The following FAM171B variants were observed in gnomAD, a reference collection of about 807,000 sequenced individuals.
FAM171B encodes family with sequence similarity 171 member B.
A neutral mutation model predicts 75.6 loss-of-function variants in FAM171B; 19 were observed. The observed-to-expected ratio is 0.25, with a 90% CI of 0.18 to 0.37. The LOEUF (loss-of-function observed/expected upper bound fraction) is 0.37. Among genes scored for constraint, FAM171B ranks in the 10% least tolerant of loss-of-function variants. The pLI is 1.00. For synonymous variants in FAM171B, 367 were observed against 361.7 expected (o/e 1.01, Z -0.17); for missense variants, 848 against 982.4 (o/e 0.86, Z 1.83).
At chr2:186,742,242 T>C (rs530385252) in intron 2 of FAM171B, among the ~76,000 whole-genome samples, 1 of 152,226 alleles carries the variant, frequency 6.6e-6, no homozygotes, top group Non-Finnish European at 1.5e-5. Flanking sequence ...AGGAAACAAT[T>C]TTCACGTGAA....
intron 6 of FAM171B, 65 bp downstream of exon 6, chr2:186,754,114 G>A (rs944387449): frequency 5.2e-5 from 63 of 1,220,346 alleles, no homozygotes; most frequent in Non-Finnish European, 7.2e-5. Context: ...ACGGATAGCA[G>A]CAGACCTCAG....
intron 1 of FAM171B, among the ~76,000 whole-genome samples, chr2:186,730,309 T>G (rs1352871154): frequency 6.6e-6 from 1 of 152,252 alleles, no homozygotes; most frequent in African/African-American, 2.4e-5. Flanking sequence ...GGGAAATGTC[T>G]TACAGGTGTG....
intron 1 of FAM171B, among the ~76,000 whole-genome samples, chr2:186,717,606 A>C (rs1362402223): frequency 1.3e-5 from 2 of 152,114 alleles, no homozygotes; most frequent in Admixed American, 1.3e-4. Flanking sequence ...TGCTCTAGTC[A>C]GGCTTTCCTC....
At chr2:186,758,156 G>A (rs1690559865) in intron 6 of FAM171B, among the ~76,000 whole-genome samples, 1 of 152,120 alleles carries the variant, frequency 6.6e-6, no homozygotes, top group Non-Finnish European at 1.5e-5. Context: ...AAGGACTGGT[G>A]TCAGTGTTTC....
intron 1 of FAM171B, among the ~76,000 whole-genome samples, chr2:186,705,235 T>C (rs757115960): frequency 2.0e-5 from 3 of 152,230 alleles, no homozygotes; most frequent in Non-Finnish European, 4.4e-5. Flanking sequence ...GGATGGTTTA[T>C]GCAGATATTT....
In FAM171B at chr2:186,761,682, C is replaced by A. The variant is rs1259934862; in HGVS notation, c.1340C>A (p.Thr447Lys). The change falls in exon 8 of 8, where the codon ACA becomes AAA. Residue 447 changes from threonine (T) to lysine (K), a missense_variant. Thr to Lys is a moderately conservative substitution (Grantham distance 78). Transcript: ENST00000304698. The part of the protein sequence containing the change: ...PQKKEPSKAE[T>K]EERVSMVKTR... ...AAAAAGGAACCATCAAAGGCAGAAA[C>A]AGAAGAAAGAGTTTCCATGGTAAAA... 6.2e-7 allele frequency: 1 copy of A among 1,612,090 alleles called. No homozygotes were observed. The highest frequency in any genetic ancestry group is 1.7e-5 in the Admixed American group (1 of 59,574).
intron 1 of FAM171B, among the ~76,000 whole-genome samples, chr2:186,714,061 A>G (rs763250850): frequency 1.3e-5 from 2 of 152,100 alleles, no homozygotes; most frequent in East Asian, 1.9e-4. Context: ...TAGCCTTGGC[A>G]TTGTGTTGGA....
chr2:186,705,628 C>T (rs144352795), intron 1 of FAM171B, among the ~76,000 whole-genome samples: 34 of 152,280 alleles, frequency 2.2e-4, no homozygotes, highest in African/African-American at 7.9e-4. Context: ...ACAAAGATAA[C>T]ATTCAGACTC....
chr2:186,726,949 C>A (rs900592842), intron 1 of FAM171B, among the ~76,000 whole-genome samples: 12 of 152,150 alleles, frequency 7.9e-5, no homozygotes, highest in African/African-American at 2.9e-4. Flanking sequence ...TGGCCCCTGC[C>A]GAAATCCTGC....
At chr2:186,759,354 G>A (rs1232072804) in intron 6 of FAM171B, among the ~76,000 whole-genome samples, 3 of 151,926 alleles carry the variant, frequency 2.0e-5, no homozygotes, top group Non-Finnish European at 4.4e-5. Context: ...CTTTCTTTTG[G>A]GTATATATCT....
At chr2:186,739,162 A>G (rs890956679) in intron 1 of FAM171B, among the ~76,000 whole-genome samples, 2 of 152,202 alleles carry the variant, frequency 1.3e-5, no homozygotes, top group African/African-American at 2.4e-5. Context: ...GTACACTTGT[A>G]AAGGGCACTT....
rs1344370335 is a variant in FAM171B at position 186,762,285 on chromosome 2, C to T, written c.1943C>T (p.Ser648Leu). 4 of 1,613,648 alleles carry T rather than the reference C, an allele frequency of 2.5e-6. No individual in the cohort carries two copies. The highest frequency in any genetic ancestry group is 3.4e-6 in the Non-Finnish European group (4 of 1,179,756). The change falls in exon 8 of 8, where the codon TCG becomes TTG. Residue 648 changes from serine to leucine, a missense_variant. Ser to Leu is a moderately radical substitution (Grantham distance 145). This residue lies in a region of FAM171B where 47 missense variants were observed against 94.0 expected (regional missense o/e 0.50). Transcript: ENST00000304698. This position sits in a 1 kb window ranked among gnomAD's most constrained non-coding sequence, Gnocchi z 4.0. ...NEAVVMTPFS[S>L]ELQGISEQTL... ...GCTGTTGTAATGACTCCATTTTCAT[C>T]GGAACTTCAAGGAATTTCAGAACAG...
intron 2 of FAM171B, among the ~76,000 whole-genome samples, chr2:186,740,952 T>C (rs1419123964): frequency 6.6e-6 from 1 of 152,206 alleles, no homozygotes; most frequent in Admixed American, 6.5e-5. Flanking sequence ...CTTTAAAGAA[T>C]AAATGTGTAA....
At chr2:186,727,758 G>C (rs1303476511) in intron 1 of FAM171B, among the ~76,000 whole-genome samples, 3 of 152,116 alleles carry the variant, frequency 2.0e-5, no homozygotes, top group Non-Finnish European at 4.4e-5. Flanking sequence ...ATTATGTTTA[G>C]TGAAACCATG....
intron 2 of FAM171B, among the ~76,000 whole-genome samples, chr2:186,741,814 T>A (rs1179864962): frequency 6.6e-6 from 1 of 151,748 alleles, no homozygotes; most frequent in Non-Finnish European, 1.5e-5. Context: ...ACTTTATGAA[T>A]CTGCACAAAT....
intron 2 of FAM171B, among the ~76,000 whole-genome samples, 179 bp from the exon 3 acceptor site, chr2:186,743,304 C>T (rs1356498520): frequency 1.3e-5 from 2 of 151,854 alleles, no homozygotes; most frequent in African/African-American, 2.4e-5. Flanking sequence ...TTATTGTGAC[C>T]TTTTTTCCTC....
intron 4 of FAM171B, among the ~76,000 whole-genome samples, 178 bp downstream of exon 4, chr2:186,747,428 T>C (rs1197075175): frequency 1.3e-5 from 2 of 152,126 alleles, no homozygotes; most frequent in African/African-American, 4.8e-5. Context: ...TAATGAAATA[T>C]ATCTTATTCA....
intron 1 of FAM171B, among the ~76,000 whole-genome samples, chr2:186,728,681 G>A (rs1255488261): frequency 7.2e-5 from 11 of 152,056 alleles, no homozygotes; most frequent in Admixed American, 7.2e-4. Flanking sequence ...TATTCCTATA[G>A]GAGATTAAGT....
rs766301267 is a variant in FAM171B at position 186,740,272 on chromosome 2, C to T, written c.283C>T (p.Arg95Cys). The change falls in exon 2 of 8, where the codon CGT (arginine) becomes TGT (cysteine). Residue 95 changes from arginine to cysteine, a missense_variant. By Grantham distance (180) the Arg-to-Cys change is radical. This residue lies in a region of FAM171B where 665 missense variants were observed against 729.0 expected (regional missense o/e 0.91). Coordinates refer to ENST00000304698, the MANE Select transcript of FAM171B (RefSeq NM_177454.4). ...LKVQVNDIIS[R>C]QYLSQAVVEV... Reference sequence around the variant, plus strand: ...AGTCCAGGTGAATGACATCATCAGTCGTCAGTACCTGAGCCAAGCAGTTGT... The same window carrying T: ...AGTCCAGGTGAATGACATCATCAGTTGTCAGTACCTGAGCCAAGCAGTTGT... The T allele has an allele frequency of 3.7e-6, 6 of 1,613,934 alleles. No homozygotes were observed. The highest frequency in any genetic ancestry group is 3.3e-5 in the South Asian group (3 of 91,054).
Sources: gnomAD v4.1 joint callset for allele counts (sites outside exome capture counted in the v4.1 genomes callset) on GRCh38, gnomAD v4.1.1 for gene constraint, gnomAD v4.1.1 regional missense constraint, Gnocchi (gnomAD v3.1) non-coding constraint, MANE v1.5 for transcripts, NCBI Gene and HGNC (gene_info 2026-07-23, HGNC 2026-07-21) for gene names.